Variants in PCDH7 observed in about 807,000 individuals in gnomAD.
The protein encoded by PCDH7 is protocadherin-7.
A neutral mutation model predicts 58.9 loss-of-function variants in PCDH7; 17 were observed. That is an observed-to-expected ratio of 0.29 (90% CI 0.20 to 0.43). The LOEUF (loss-of-function observed/expected upper bound fraction) is 0.43. Among genes scored for constraint, PCDH7 ranks in the 20% least tolerant of loss-of-function variants. PCDH7 has a pLI of 1.00. For missense variants in PCDH7, 1,274 were observed against 1,441.0 expected (o/e 0.88, Z 1.88); for synonymous variants, 664 against 616.4 (o/e 1.08, Z -1.14).
chr4:31,031,268 C>T (rs1325754034), intron 3 of PCDH7, among the ~76,000 whole-genome samples: 2 of 152,174 alleles, frequency 1.3e-5, no homozygotes, highest in African/African-American at 2.4e-5. Flanking sequence ...TTTTGTTTGT[C>T]ACAACAACGG....
intron 1 of PCDH7, among the ~76,000 whole-genome samples, chr4:30,834,420 G>C (rs1310714482): frequency 3.3e-5 from 5 of 152,268 alleles, no homozygotes; most frequent in Middle Eastern, 3.4e-3. Flanking sequence ...AGGCATAGAA[G>C]GGTTAACTTG....
chr4:30,766,433 A>G (rs1235629196), intron 1 of PCDH7, among the ~76,000 whole-genome samples: 1 of 152,146 alleles, frequency 6.6e-6, no homozygotes, highest in Non-Finnish European at 1.5e-5. Flanking sequence ...TTTCTTTTGT[A>G]AGAATTCACT....
chr4:30,897,199 C>T (rs1316567459), intron 1 of PCDH7, among the ~76,000 whole-genome samples: 11 of 152,168 alleles, frequency 7.2e-5, no homozygotes, highest in South Asian at 4.2e-4. Context: ...CCACCGCGCC[C>T]GGCCTCCCAG....
chr4:31,016,784 TGTG>T (rs1753637498), intron 3 of PCDH7, among the ~76,000 whole-genome samples: 2 of 150,438 alleles, frequency 1.3e-5, no homozygotes, highest in African/African-American at 4.9e-5. Flanking sequence ...TAAGGGCTAT[TGTG>T]TGTGTGTGTG....
At chr4:30,968,365 A>AGTGTG (rs1749210338) in intron 3 of PCDH7, among the ~76,000 whole-genome samples, 1 of 128,570 alleles carries the variant, frequency 7.8e-6, no homozygotes, top group African/African-American at 2.9e-5. Context: ...CACACTATAT[A>AGTGTG]TATACACACA....
intron 3 of PCDH7, among the ~76,000 whole-genome samples, chr4:31,101,307 G>T (rs1714863918): frequency 6.6e-6 from 1 of 152,092 alleles, no homozygotes; most frequent in African/African-American, 2.4e-5. Flanking sequence ...TTAATTATGT[G>T]CTGGGTTTTG....
At chr4:30,953,915 C>A (rs943270955) in intron 3 of PCDH7, among the ~76,000 whole-genome samples, 1 of 151,856 alleles carries the variant, frequency 6.6e-6, no homozygotes, top group Non-Finnish European at 1.5e-5. Context: ...TTTTTCATTG[C>A]AAGTAATTGA....
intron 1 of PCDH7, among the ~76,000 whole-genome samples, chr4:30,806,361 G>A (rs183911334): frequency 2.2e-4 from 32 of 148,398 alleles, no homozygotes; most frequent in Admixed American, 9.3e-4. Flanking sequence ...CTGGAGTGCA[G>A]TTGCACAATC....
intron 3 of PCDH7, among the ~76,000 whole-genome samples, chr4:31,102,600 G>T (rs986162497): frequency 3.3e-5 from 5 of 151,404 alleles, no homozygotes; most frequent in Non-Finnish European, 7.4e-5. Context: ...TGGAACCGGG[G>T]AGGTGAAGGC....
Position 30,723,608 on chromosome 4 carries a change from C to G in PCDH7, c.2186C>G (p.Ser729Trp). The stretch of plus-strand genomic sequence containing the variant: ...CCCAGATCTGCCACAGCTACAGTCT[C>G]GCTTTTTGTGATGGATGAAAATGAC... Residue 729 changes from serine (S) to tryptophan (W), a missense_variant, in exon 1 of 2, where the codon TCG becomes TGG. By Grantham distance (177) the Ser-to-Trp change is radical. Coordinates refer to ENST00000361762, the Ensembl canonical transcript of PCDH7. This position sits in a 1 kb window ranked among gnomAD's most constrained non-coding sequence, Gnocchi z 4.6. 6.2e-7 allele frequency: 1 copy of G among 1,614,206 alleles called. No individual in the cohort carries two copies. The highest frequency in any genetic ancestry group is 8.5e-7 in the Non-Finnish European group (1 of 1,180,038).
intron 1 of PCDH7, among the ~76,000 whole-genome samples, chr4:30,860,049 G>C (rs73214912): frequency 0.089 from 13,568 of 152,204 alleles, 763 homozygotes; most frequent in Non-Finnish European, 0.12. Flanking sequence ...GTCTTTGTTA[G>C]AGCACCTACC....
intron 3 of PCDH7, among the ~76,000 whole-genome samples, chr4:31,082,310 G>C (rs1711600186): frequency 6.6e-6 from 1 of 152,152 alleles, no homozygotes; most frequent in African/African-American, 2.4e-5. Context: ...CTTAAGACTA[G>C]TGTAAGGTGA....
intron 3 of PCDH7, among the ~76,000 whole-genome samples, chr4:31,077,027 A>G (rs1271375938): frequency 2.6e-5 from 4 of 152,192 alleles, no homozygotes; most frequent in Non-Finnish European, 5.9e-5. Flanking sequence ...GCAAAAAGAA[A>G]AAAAAAGAAA....
chr4:30,753,994 A>G (rs1008510536), intron 1 of PCDH7, among the ~76,000 whole-genome samples: 5 of 152,186 alleles, frequency 3.3e-5, no homozygotes, highest in Non-Finnish European at 7.3e-5. Flanking sequence ...ACCAGACATA[A>G]CAGCACTGTA....
intron 1 of PCDH7, among the ~76,000 whole-genome samples, chr4:30,862,864 A>G (rs13150968): frequency 0.24 from 35,798 of 152,004 alleles, 4,309 homozygotes; most frequent in Middle Eastern, 0.26. Flanking sequence ...TAGTACCATG[A>G]GACTGATTTA....
At chr4:31,036,323 T>G (rs2109195771) in intron 3 of PCDH7, among the ~76,000 whole-genome samples, 1 of 152,236 alleles carries the variant, frequency 6.6e-6, no homozygotes. Context: ...GTAGCGGGGA[T>G]TACAGGTGTG....
chr4:31,129,538 G>A (rs1178749086), intron 3 of PCDH7, among the ~76,000 whole-genome samples: 2 of 152,118 alleles, frequency 1.3e-5, no homozygotes, highest in Non-Finnish European at 2.9e-5. Context: ...TTATACTGAA[G>A]TTTATGGAGG....
chr4:30,873,270 G>A (rs975443065), intron 1 of PCDH7, among the ~76,000 whole-genome samples: 1 of 151,966 alleles, frequency 6.6e-6, no homozygotes, highest in African/African-American at 2.4e-5. Flanking sequence ...AAGGAAAATT[G>A]ATTCAATGAA....
intron 3 of PCDH7, among the ~76,000 whole-genome samples, chr4:31,108,248 T>C (rs1578817332): frequency 6.6e-6 from 1 of 151,928 alleles, no homozygotes; most frequent in East Asian, 1.9e-4. Flanking sequence ...AAATAAAATG[T>C]AGTGTAATAA....
Sources: gnomAD v4.1 joint callset for allele counts (sites outside exome capture counted in the v4.1 genomes callset) on GRCh38, gnomAD v4.1.1 for gene constraint, Gnocchi (gnomAD v3.1) non-coding constraint, MANE v1.5 for transcripts, NCBI Gene and HGNC (gene_info 2026-07-23, HGNC 2026-07-21) for gene names.